GRXCR1: variants seen among roughly 807,000 people sequenced by gnomAD.
The protein encoded by GRXCR1 is glutaredoxin domain-containing cysteine-rich protein 1.
In GRXCR1, 27 loss-of-function variants were observed where a neutral mutation model predicts 27.3. The ratio of observed to expected loss-of-function variants is 0.99; its 90% CI spans 0.73 to 1.37. GRXCR1 has a LOEUF of 1.37. GRXCR1 is among the 40% of genes most tolerant of loss of function. GRXCR1 has a pLI of 0.00. For synonymous variants in GRXCR1, 122 were observed against 131.1 expected (o/e 0.93, Z 0.47); for missense variants, 379 against 354.4 (o/e 1.07, Z -0.56).
At chr4:42,937,315 A>G (rs1577912902) in intron 1 of GRXCR1, among the ~76,000 whole-genome samples, 4 of 150,610 alleles carry the variant, frequency 2.7e-5, no homozygotes, top group Non-Finnish European at 4.4e-5. Context: ...CTTTCTGGCA[A>G]TGTAAGATGA....
intron 1 of GRXCR1, among the ~76,000 whole-genome samples, chr4:42,962,367 C>CACATAT (rs1443155327): frequency 6.6e-6 from 1 of 151,950 alleles, no homozygotes; most frequent in African/African-American, 2.4e-5. Context: ...AGAGCCCTTG[C>CACATAT]ACATATGTCA....
intron 2 of GRXCR1, among the ~76,000 whole-genome samples, chr4:43,010,009 T>C (rs943576175): frequency 2.0e-5 from 3 of 152,070 alleles, no homozygotes; most frequent in African/African-American, 7.2e-5. Context: ...GCTTCAGGAG[T>C]GACTCTTCTA....
chr4:42,962,216 C>T (rs1353118051), intron 1 of GRXCR1, among the ~76,000 whole-genome samples: 1 of 151,848 alleles, frequency 6.6e-6, no homozygotes, highest in African/African-American at 2.4e-5. Flanking sequence ...GTGTCTGATT[C>T]CTTGTTTCCT....
intron 2 of GRXCR1, among the ~76,000 whole-genome samples, chr4:42,985,044 C>T (rs552709281): frequency 3.9e-5 from 6 of 152,260 alleles, no homozygotes; most frequent in Admixed American, 3.9e-4. Flanking sequence ...CCTCACTCAG[C>T]ACTCTGTTGG....
chr4:42,979,975 T>C (rs1423494489), intron 2 of GRXCR1, among the ~76,000 whole-genome samples: 1 of 152,074 alleles, frequency 6.6e-6, no homozygotes, highest in East Asian at 1.9e-4. Context: ...GTATCTCTTA[T>C]GACCATTTGT....
intron 1 of GRXCR1, among the ~76,000 whole-genome samples, chr4:42,898,860 T>C (rs1746405022): frequency 6.6e-6 from 1 of 152,098 alleles, no homozygotes; most frequent in Admixed American, 6.6e-5. Context: ...TTTTAGATAT[T>C]AAGAGGTAGG....
At chr4:43,025,206 T>C (rs189931854) in intron 3 of GRXCR1, among the ~76,000 whole-genome samples, 11 of 152,332 alleles carry the variant, frequency 7.2e-5, no homozygotes, top group Admixed American at 6.5e-4. Flanking sequence ...TTTGTCGTTT[T>C]TGTCCTTTGT....
At chr4:42,949,843 C>A (rs1481774692) in intron 1 of GRXCR1, among the ~76,000 whole-genome samples, 1 of 152,164 alleles carries the variant, frequency 6.6e-6, no homozygotes, top group Admixed American at 6.5e-5. Flanking sequence ...GTCCAATTTT[C>A]TCAAATTCTG....
intron 1 of GRXCR1, among the ~76,000 whole-genome samples, chr4:42,945,556 C>G (rs377393055): frequency 1.9e-4 from 29 of 152,226 alleles, no homozygotes; most frequent in Middle Eastern, 3.4e-3. Context: ...GATGCTTTCT[C>G]CCTCCCAGTT....
chr4:42,943,388 G>A (rs975508716), intron 1 of GRXCR1, among the ~76,000 whole-genome samples: 1 of 152,186 alleles, frequency 6.6e-6, no homozygotes, highest in South Asian at 2.1e-4. Flanking sequence ...GAACTCTGAT[G>A]TCTTGACTTC....
chr4:42,929,424 G>A (rs1414086477), intron 1 of GRXCR1, among the ~76,000 whole-genome samples: 1 of 151,994 alleles, frequency 6.6e-6, no homozygotes, highest in Non-Finnish European at 1.5e-5. Flanking sequence ...TGTCATGGAG[G>A]CTTCTCAGCA....
intron 1 of GRXCR1, among the ~76,000 whole-genome samples, chr4:42,951,658 G>A (rs1560662303): frequency 6.6e-6 from 1 of 152,078 alleles, no homozygotes; most frequent in African/African-American, 2.4e-5. Context: ...TGGGTCAAAT[G>A]GTACTTCTGC....
At chr4:42,968,226 C>A (rs959728107) in intron 2 of GRXCR1, among the ~76,000 whole-genome samples, 5 of 152,122 alleles carry the variant, frequency 3.3e-5, no homozygotes, top group Admixed American at 6.6e-5. Flanking sequence ...TCATGGCAGT[C>A]AGCTTGGGTA....
intron 3 of GRXCR1, among the ~76,000 whole-genome samples, chr4:43,025,126 C>T (rs63040061): frequency 0.84 from 127,145 of 151,518 alleles, 53,819 homozygotes; most frequent in East Asian, 0.99. Flanking sequence ...AAATTTGAAA[C>T]TCAAATTTCC....
rs565947022 is a variant in GRXCR1, at chr4:42,997,981, T to C, written c.628-22373T>C. On this transcript the variant is annotated intron_variant, in intron 2 of 3. Coordinates refer to ENST00000399770, the MANE Select transcript of GRXCR1 (RefSeq NM_001080476.3). ...ACCATACCTGAATAATAATAAAACC[T>C]ACATTTTAAAATAGAAGAGAATAAT... 2.0e-5 allele frequency among the ~76,000 whole-genome samples: 3 copies of C among 152,336 alleles called. No homozygotes were observed. In the East Asian group the frequency reaches 5.8e-4, roughly 29 times the overall value.
At chr4:42,910,342 G>A (rs1746694036) in intron 1 of GRXCR1, among the ~76,000 whole-genome samples, 1 of 152,158 alleles carries the variant, frequency 6.6e-6, no homozygotes, top group Non-Finnish European at 1.5e-5. Flanking sequence ...ATTTGATCCT[G>A]CGTCTCTCCA....
At chr4:42,949,012 A>C (rs137928419) in intron 1 of GRXCR1, among the ~76,000 whole-genome samples, 2 of 152,308 alleles carry the variant, frequency 1.3e-5, no homozygotes, top group African/African-American at 4.8e-5. Flanking sequence ...GTAGTAATTT[A>C]GTACAGCGGC....
chr4:42,949,180 C>T (rs1382767227), intron 1 of GRXCR1, among the ~76,000 whole-genome samples: 2 of 151,210 alleles, frequency 1.3e-5, no homozygotes, highest in Admixed American at 1.3e-4. Flanking sequence ...ATGTTGAAAC[C>T]CCCTCTCCAC....
At chr4:42,933,354 C>T (rs1364854622) in intron 1 of GRXCR1, among the ~76,000 whole-genome samples, 1 of 151,858 alleles carries the variant, frequency 6.6e-6, no homozygotes, top group Non-Finnish European at 1.5e-5. Flanking sequence ...AGTGGTCACT[C>T]TTCCAAGGAA....
Sources: gnomAD v4.1 joint callset for allele counts (sites outside exome capture counted in the v4.1 genomes callset) on GRCh38, gnomAD v4.1.1 for gene constraint, MANE v1.5 for transcripts, NCBI Gene and HGNC (gene_info 2026-07-23, HGNC 2026-07-21) for gene names.